Variants in RNF182 observed in about 807,000 individuals in gnomAD.
RNF182 encodes ring finger protein 182.
RNF182 carries 15 observed loss-of-function variants against 14.4 expected under a neutral mutation model. The observed-to-expected ratio is 1.04, with a 90% CI of 0.70 to 1.60. The LOEUF is 1.60. Ranked by LOEUF, RNF182 falls within the 40% of genes most tolerant of loss-of-function variation. The pLI, the probability that RNF182 is intolerant of heterozygous loss-of-function variation, is 0.00. For synonymous variants in RNF182, 128 were observed against 122.9 expected (o/e 1.04, Z -0.27); for missense variants, 268 against 294.8 (o/e 0.91, Z 0.67).
chr6:13,951,251 C>A (rs1328190460), intron 1 of RNF182, among the ~76,000 whole-genome samples: 1 of 152,192 alleles, frequency 6.6e-6, no homozygotes, highest in African/African-American at 2.4e-5. Context: ...TTACTGGCTT[C>A]AGGCAGAAGA....
intron 1 of RNF182, among the ~76,000 whole-genome samples, chr6:13,967,157 C>T (rs1368944958): frequency 6.6e-6 from 1 of 151,858 alleles, no homozygotes; most frequent in South Asian, 2.1e-4. Context: ...AAGAAACATT[C>T]GAGATAAAGT....
At chr6:13,971,678 C>T (rs556545278) in intron 1 of RNF182, among the ~76,000 whole-genome samples, 33 of 152,080 alleles carry the variant, frequency 2.2e-4, no homozygotes, top group Non-Finnish European at 3.2e-4. Flanking sequence ...TTTGGAATTT[C>T]CTAGAGACTT....
intron 1 of RNF182, among the ~76,000 whole-genome samples, chr6:13,972,998 G>T (rs888145085): frequency 2.6e-5 from 4 of 152,238 alleles, no homozygotes; most frequent in African/African-American, 9.6e-5. Flanking sequence ...TTCAATGCCA[G>T]CCTGTGAAAG....
At chr6:13,968,346 A>G (rs1295494868) in intron 1 of RNF182, among the ~76,000 whole-genome samples, 1 of 152,224 alleles carries the variant, frequency 6.6e-6, no homozygotes, top group Non-Finnish European at 1.5e-5. Context: ...TGTCAAATAT[A>G]AATGTCTAAA....
upstream of RNF182, chr6:13,924,500 T>C (rs1758760047): frequency 2.0e-5 from 3 of 152,248 alleles, no homozygotes; most frequent in South Asian, 4.1e-4. Flanking sequence ...CTCAACACTT[T>C]ATCACTTTGC....
At chr6:13,944,829 C>T (rs1759396994) in intron 1 of RNF182, among the ~76,000 whole-genome samples, 1 of 152,120 alleles carries the variant, frequency 6.6e-6, no homozygotes, top group Non-Finnish European at 1.5e-5. Flanking sequence ...GGGATTCCAA[C>T]CCAGATGTTT....
At position 13,976,992 on chromosome 6, in the gene RNF182, T is replaced by C; in HGVS notation, c.-128T>C. 1 of 1,005,724 alleles carries C rather than the reference T, an allele frequency of 9.9e-7. No individual in the cohort carries two copies. Among genetic ancestry groups the C allele is most frequent in the Non-Finnish European group, 1.5e-6 (1 of 680,646 alleles). 62.3% of individuals were successfully genotyped at this position (1,005,724 alleles called of 1,614,324 possible). On this transcript the variant is annotated 5_prime_UTR_variant, in exon 3 of 3. Coordinates refer to ENST00000488300, the MANE Select transcript of RNF182 (RefSeq NM_152737.4). ...AAATGCCTGGAAGATTTCTGGTTTC[T>C]TTCACTACTTATCCTGCCTTTTTGC... is the stretch of plus-strand genomic sequence containing the variant.
intron 1 of RNF182, among the ~76,000 whole-genome samples, chr6:13,942,956 A>G (rs1271237696): frequency 6.6e-6 from 1 of 152,316 alleles, no homozygotes; most frequent in African/African-American, 2.4e-5. Context: ...GTAGCATTCA[A>G]TGATCTTAGT....
At chr6:13,962,397 C>A (rs1018255929) in intron 1 of RNF182, among the ~76,000 whole-genome samples, 1 of 152,042 alleles carries the variant, frequency 6.6e-6, no homozygotes, top group African/African-American at 2.4e-5. Context: ...TTGATAGTCA[C>A]AAAGAAAAAT....
At chr6:13,925,607 C>T (rs984370296) in intron 1 of RNF182, among the ~76,000 whole-genome samples, 1 of 152,170 alleles carries the variant, frequency 6.6e-6, no homozygotes, top group Admixed American at 6.5e-5. Flanking sequence ...GTAAGGGTAG[C>T]CCGGCTTTCC....
intron 1 of RNF182, among the ~76,000 whole-genome samples, chr6:13,953,550 C>A (rs569596725): frequency 6.6e-6 from 1 of 152,168 alleles, no homozygotes; most frequent in South Asian, 2.1e-4. Flanking sequence ...TTTATATTCA[C>A]GAGTCATGGA....
intron 2 of RNF182, among the ~76,000 whole-genome samples, chr6:13,975,877 A>G (rs2113651966): frequency 6.6e-6 from 1 of 152,346 alleles, no homozygotes; most frequent in Middle Eastern, 3.4e-3. Context: ...TACTACATAT[A>G]TTAAAGCTAA....
chr6:13,953,106 T>G (rs975251009), intron 1 of RNF182, among the ~76,000 whole-genome samples: 2 of 152,216 alleles, frequency 1.3e-5, no homozygotes, highest in African/African-American at 4.8e-5. Flanking sequence ...GTTTGTTAAG[T>G]CCTGGGTCTG....
intron 1 of RNF182, among the ~76,000 whole-genome samples, chr6:13,964,517 C>G (rs1302788950): frequency 6.6e-6 from 1 of 152,128 alleles, no homozygotes; most frequent in East Asian, 1.9e-4. Context: ...AAGTGGCTTG[C>G]TATCTTGCTC....
chr6:13,964,978 C>T (rs1330825702), intron 1 of RNF182, among the ~76,000 whole-genome samples: 1 of 152,164 alleles, frequency 6.6e-6, no homozygotes, highest in African/African-American at 2.4e-5. Context: ...GGTCCTTCAA[C>T]AATCAGACCT....
At chr6:13,970,139 T>C (rs924578553) in intron 1 of RNF182, among the ~76,000 whole-genome samples, 2 of 152,222 alleles carry the variant, frequency 1.3e-5, no homozygotes, top group Non-Finnish European at 2.9e-5. Flanking sequence ...CTGTTTATTA[T>C]TTTTATATGT....
chr6:13,942,779 T>C (rs557858810), intron 1 of RNF182, among the ~76,000 whole-genome samples: 18 of 152,348 alleles, frequency 1.2e-4, no homozygotes, highest in African/African-American at 3.6e-4. Flanking sequence ...AAACTCTTTT[T>C]CCTATTTTCC....
chr6:13,957,064 G>A (rs1331109614), intron 1 of RNF182, among the ~76,000 whole-genome samples: 1 of 152,202 alleles, frequency 6.6e-6, no homozygotes, highest in African/African-American at 2.4e-5. Flanking sequence ...TCAAACTAGA[G>A]TGACTCCATC....
intron 1 of RNF182, among the ~76,000 whole-genome samples, chr6:13,956,405 A>G (rs561566714): frequency 3.0e-4 from 45 of 151,056 alleles, no homozygotes; most frequent in African/African-American, 1.0e-3. Context: ...GCTCACTGCA[A>G]CCTCCACCTC....
Sources: gnomAD v4.1 joint callset for allele counts (sites outside exome capture counted in the v4.1 genomes callset) on GRCh38, gnomAD v4.1.1 for gene constraint, MANE v1.5 for transcripts, NCBI Gene and HGNC (gene_info 2026-07-23, HGNC 2026-07-21) for gene names.